The following CRLF2 variants were observed in gnomAD, a reference collection of about 807,000 sequenced individuals.
The protein encoded by CRLF2 is cytokine receptor like factor 2.
A neutral mutation model predicts 38.7 loss-of-function variants in CRLF2; 41 were observed. The ratio of observed to expected loss-of-function variants is 1.06; its 90% confidence interval spans 0.83 to 1.37. CRLF2 has a LOEUF of 1.37. Ranked by LOEUF, CRLF2 falls within the 40% of genes most tolerant of loss-of-function variation. CRLF2 has a pLI of 0.00. For missense variants in CRLF2, 377 were observed against 322.2 expected, an observed-to-expected ratio of 1.17 and a Z score of -1.30; for synonymous variants, 140 against 128.8, an observed-to-expected ratio of 1.09 and a Z score of -0.59.
chrX:1,200,847 ATG>A (rs2086593700), intron 4 of CRLF2, among the ~76,000 whole-genome samples: 1 of 43,398 alleles, frequency 2.3e-5, no homozygotes, highest in South Asian at 1.2e-3. Context: ...ACGTACATAT[ATG>A]TGTGTGTATA....
chrX:1,194,492 T>C lies in CRLF2; in HGVS notation c.768-1190A>G, dbSNP rs1184399879. On this transcript the variant is annotated intron_variant, in intron 6 of 7. Transcript: ENST00000400841. The stretch of plus-strand genomic sequence containing the variant: ...AATAAAAGTTCCCACCAGGATAAGG[T>C]GTGACGGACAGTGAGCCACGTCCTG... Among the ~76,000 whole-genome samples the C allele has an allele frequency of 7.2e-5, 11 of 151,946 alleles. No homozygotes were observed. In the East Asian group the frequency reaches 1.9e-3, roughly 27 times the overall value.
intron 4 of CRLF2, among the ~76,000 whole-genome samples, chrX:1,200,082 G>A (rs2086574384): frequency 7.0e-6 from 1 of 143,074 alleles, no homozygotes; most frequent in African/African-American, 2.6e-5. Context: ...ATGTGTATAT[G>A]TATTGTATAT....
At chrX:1,191,824 C>T (rs1276513650) in intron 7 of CRLF2, among the ~76,000 whole-genome samples, 2 of 152,096 alleles carry the variant, frequency 1.3e-5, no homozygotes, top group Non-Finnish European at 2.9e-5. Flanking sequence ...AGCCACCGTG[C>T]CTGGCCCCCA....
intron 6 of CRLF2, among the ~76,000 whole-genome samples, chrX:1,196,566 C>G (rs2086479305): frequency 6.6e-6 from 1 of 151,882 alleles, no homozygotes; most frequent in Non-Finnish European, 1.5e-5. Flanking sequence ...CGTGATCTGC[C>G]TGCCTTGGTC....
chrX:1,193,910 G>A (rs1471230187), intron 6 of CRLF2, among the ~76,000 whole-genome samples: 1 of 151,618 alleles, frequency 6.6e-6, no homozygotes, highest in Admixed American at 6.6e-5. Flanking sequence ...GCAGTGAGCT[G>A]AGATCACACC....
At chrX:1,212,450 AG>A in intron 1 of CRLF2, 105 bp downstream of exon 1, 2 of 708,678 alleles carry the variant, frequency 2.8e-6, no homozygotes, top group Non-Finnish European at 2.3e-6. Flanking sequence ...AAAAGAAGAA[AG>A]AAACCTCCAT....
In CRLF2 at chrX:1,206,546, C is replaced by T. The variant is rs1391352722; in HGVS notation, c.236G>A (p.Gly79Asp). The change falls in exon 3 of 8, where the codon GGT becomes GAT. Residue 79 changes from glycine (G) to aspartate (D), a missense_variant. Gly to Asp is a moderately conservative substitution (Grantham distance 94). Transcript: ENST00000400841. ...GTCTAGGAGGCACCCCGAAGTGTGA[C>T]CTTCCTGGAGAAGGTAGTTGGTGCA... ...DQCTNYLLQEGHTSGCLLDAE... is the reference protein window; with the variant it reads ...DQCTNYLLQEDHTSGCLLDAE... 2 of 1,613,554 alleles carry T rather than the reference C, an allele frequency of 1.2e-6. No homozygotes were observed. Among genetic ancestry groups the T allele is most frequent in the Non-Finnish European group, 1.7e-6 (2 of 1,179,666 alleles).
At position 1,207,262 on chromosome X, in the gene CRLF2, G is replaced by A. The variant is rs1183797013; in HGVS notation, c.183-663C>T. 6.2e-5 allele frequency among the ~76,000 whole-genome samples: 9 copies of A among 145,822 alleles called. No homozygotes were observed. In the East Asian group the frequency reaches 1.5e-3, roughly 24 times the overall value. On this transcript the variant is annotated intron_variant, in intron 2 of 7. Transcript: ENST00000400841. ...CGCCCGGCCGTTTTTTTATTTGTTC[G>A]TTTGTTTTTTGAAACAGAGTTTTGT...
At chrX:1,205,234 G>T (rs2086671755) in intron 3 of CRLF2, among the ~76,000 whole-genome samples, 1 of 152,318 alleles carries the variant, frequency 6.6e-6, no homozygotes, top group African/African-American at 2.4e-5. Flanking sequence ...TTCCTGGAAG[G>T]CCGGTTTCTT....
chrX:1,209,021 A>G (rs150305023), intron 1 of CRLF2, 113 bp from the exon 2 acceptor site: 14,304 of 657,484 alleles, frequency 0.022, 208 homozygotes, highest in Middle Eastern at 0.032. Context: ...AGGCTGGAGT[A>G]CAATGGCACG....
At chrX:1,193,109 G>T (rs1477377632) in intron 7 of CRLF2, 109 bp downstream of exon 7, 3 of 393,422 alleles carry the variant, frequency 7.6e-6, no homozygotes, top group Non-Finnish European at 1.3e-5. Flanking sequence ...CACTGCGCCC[G>T]GCTGTTAATG....
intron 5 of CRLF2, among the ~76,000 whole-genome samples, chrX:1,198,185 C>T (rs1206505292): frequency 9.6e-6 from 1 of 103,992 alleles, no homozygotes; most frequent in Admixed American, 1.0e-4. Context: ...TCCCACCTCC[C>T]AGGAAGGCAG....
rs2086541176 is a variant in CRLF2, at chrX:1,198,601, A to G, written c.607T>C (p.Trp203Arg). The G allele has an allele frequency of 6.2e-7, 1 of 1,613,762 alleles. No homozygotes were observed. The highest frequency in any genetic ancestry group is 8.5e-7 in the Non-Finnish European group (1 of 1,179,720). Residue 203 changes from tryptophan (W) to arginine (R), a missense_variant, in exon 5 of 8, where the codon TGG becomes CGG. Coordinates refer to ENST00000400841, the MANE Select transcript of CRLF2 (RefSeq NM_022148.4). ...VYGPDTYPSD[W>R]SEVTCWQRGE... Reference sequence around the variant, plus strand: ...CTCTGCCAGCATGTCACCTCTGACCAGTCGCTTGGGTATGTGTCTGGCCCA... The same window carrying G: ...CTCTGCCAGCATGTCACCTCTGACCGGTCGCTTGGGTATGTGTCTGGCCCA...
At chrX:1,199,367 C>T (rs1343429662) in intron 4 of CRLF2, among the ~76,000 whole-genome samples, 7 of 151,820 alleles carry the variant, frequency 4.6e-5, no homozygotes, top group South Asian at 4.1e-4. Context: ...TGCAGTGGTG[C>T]GGTCTCGGCT....
At chrX:1,193,769 G>A (rs1274363457) in intron 6 of CRLF2, among the ~76,000 whole-genome samples, 13 of 124,018 alleles carry the variant, frequency 1.0e-4, no homozygotes, top group Middle Eastern at 5.4e-3. Context: ...GCGACAGAGC[G>A]AGACTCCATC....
At chrX:1,191,275 C>G in intron 7 of CRLF2, 115 bp from the exon 8 acceptor site, 1 of 388,628 alleles carries the variant, frequency 2.6e-6, no homozygotes, top group Middle Eastern at 6.3e-4. Context: ...CTCTTTCTTT[C>G]TCTCTCTTTC....
At chrX:1,197,625 C>T (rs1246459232) in intron 5 of CRLF2, among the ~76,000 whole-genome samples, 4 of 151,512 alleles carry the variant, frequency 2.6e-5, no homozygotes, top group Non-Finnish European at 5.9e-5. Context: ...ACCAGCCTGG[C>T]CAATATGGGG....
rs367776017 is a variant in CRLF2 at position 1,198,546 on chromosome X, G to A, written c.646+16C>T. ...GGTGACAAGGCTATGGGACACTGCC[G>A]CGTAACAAGCATTACCCCGAATCTC... On this transcript the variant is annotated intron_variant, in intron 5 of 7. Coordinates refer to ENST00000400841, the MANE Select transcript of CRLF2 (RefSeq NM_022148.4). 121 of 1,612,956 alleles carry A rather than the reference G, an allele frequency of 7.5e-5. No homozygotes were observed. The African/African-American group carries it at 9.5e-4, about 13-fold the overall frequency.
At chrX:1,208,128 G>C (rs1240948973) in intron 2 of CRLF2, among the ~76,000 whole-genome samples, 4 of 152,122 alleles carry the variant, frequency 2.6e-5, no homozygotes, top group South Asian at 2.1e-4. Context: ...CACAGGGTTG[G>C]GGGTAGCCCC....
Sources: gnomAD v4.1 joint callset for allele counts (sites outside exome capture counted in the v4.1 genomes callset) on GRCh38, gnomAD v4.1.1 for gene constraint, MANE v1.5 for transcripts, NCBI Gene and HGNC (gene_info 2026-07-23, HGNC 2026-07-21) for gene names.